The following PLD5 variants were observed in gnomAD, a reference collection of about 807,000 sequenced individuals.
PLD5 encodes inactive phospholipase D5.
In PLD5, 36 loss-of-function variants were observed where a neutral mutation model predicts 61.1. That is an observed-to-expected ratio of 0.59 (90% CI 0.45 to 0.78). The LOEUF is 0.78. Among genes scored for constraint, PLD5 ranks in the 30% least tolerant of loss-of-function variants. The pLI is 0.00. For synonymous variants in PLD5, 243 were observed against 242.8 expected, an observed-to-expected ratio of 1.00 and a Z score of -0.01; for missense variants, 515 against 644.4, an observed-to-expected ratio of 0.80 and a Z score of 2.17.
At chr1:242,163,213 G>A (rs190811691) in intron 5 of PLD5, among the ~76,000 whole-genome samples, 253 of 149,056 alleles carry the variant, frequency 1.7e-3, no homozygotes, top group African/African-American at 5.9e-3. Flanking sequence ...GCGCGATCTC[G>A]GCTCACTGCA....
chr1:242,149,754 T>C (rs990575949), intron 5 of PLD5, among the ~76,000 whole-genome samples: 1 of 151,622 alleles, frequency 6.6e-6, no homozygotes, highest in Non-Finnish European at 1.5e-5. Flanking sequence ...ATCATCAAAG[T>C]TATGGCCATA....
rs12742403 is a variant in PLD5, at chr1:242,524,418, G to C, written c.-142C>G. 95,737 of 827,842 alleles carry C rather than the reference G, an allele frequency of 0.12. 6,046 individuals are homozygous for C. The highest frequency in any genetic ancestry group is 0.12 in the Non-Finnish European group (76,376 of 619,006). The allele number at this position is 827,842 out of a possible 1,614,324, so 51.3% of individuals were successfully genotyped here. Reference sequence around the variant, plus strand: ...AGCTGGAGGAGCTGGAGGAGCGAGCGGGCGCGGGGAGCGCGGGGTGCTGAG... The same window carrying C: ...AGCTGGAGGAGCTGGAGGAGCGAGCCGGCGCGGGGAGCGCGGGGTGCTGAG... On this transcript the variant is annotated 5_prime_UTR_variant, in exon 1 of 10. Coordinates refer to ENST00000536534, the MANE Select transcript of PLD5 (RefSeq NM_001372062.1).
At chr1:242,339,225 G>T (rs553376959) in intron 2 of PLD5, among the ~76,000 whole-genome samples, 1 of 152,030 alleles carries the variant, frequency 6.6e-6, no homozygotes, top group African/African-American at 2.4e-5. Flanking sequence ...AAAGGTATCC[G>T]CTCAGCCAGG....
At chr1:242,334,169 C>T (rs1473230538) in intron 2 of PLD5, among the ~76,000 whole-genome samples, 1 of 152,100 alleles carries the variant, frequency 6.6e-6, no homozygotes, top group Non-Finnish European at 1.5e-5. Flanking sequence ...CAGAGAGAAG[C>T]CCAGTGTTAC....
intron 2 of PLD5, among the ~76,000 whole-genome samples, chr1:242,339,031 A>G (rs1395937320): frequency 6.6e-6 from 1 of 152,180 alleles, no homozygotes; most frequent in Non-Finnish European, 1.5e-5. Flanking sequence ...ACTCATTTCT[A>G]CATGATAGTC....
At chr1:242,108,673 C>T (rs555583465) in intron 7 of PLD5, among the ~76,000 whole-genome samples, 5 of 152,260 alleles carry the variant, frequency 3.3e-5, no homozygotes, top group African/African-American at 1.2e-4. Flanking sequence ...AATCACTCTC[C>T]CTCCCCTCGG....
chr1:242,113,084 C>CTTTTTTTTTTTTTTTTT (rs71570931), intron 7 of PLD5, among the ~76,000 whole-genome samples: 1 of 110,694 alleles, frequency 9.0e-6, no homozygotes, highest in African/African-American at 3.5e-5. Flanking sequence ...CTCTCTCTCT[C>CTTTTTTTTTTTTTTTTT]TTTTTTTTTT....
At chr1:242,321,745 T>A (rs1658427724) in intron 2 of PLD5, among the ~76,000 whole-genome samples, 1 of 152,172 alleles carries the variant, frequency 6.6e-6, no homozygotes. Context: ...GCTTCTACAC[T>A]CTCCTGGTGG....
chr1:242,436,059 T>C (rs531915799), intron 1 of PLD5, among the ~76,000 whole-genome samples: 1 of 152,346 alleles, frequency 6.6e-6, no homozygotes, highest in South Asian at 2.1e-4. Context: ...CAGAAAAGTA[T>C]TCTTGTGTCT....
intron 3 of PLD5, among the ~76,000 whole-genome samples, chr1:242,277,655 TG>T (rs1471210616): frequency 6.7e-6 from 1 of 149,790 alleles, no homozygotes; most frequent in East Asian, 1.9e-4. Context: ...AATGGAAAGA[TG>T]CTTACGTTGT....
intron 5 of PLD5, among the ~76,000 whole-genome samples, chr1:242,207,848 A>ATC (rs1229174843): frequency 3.5e-5 from 2 of 57,606 alleles, no homozygotes; most frequent in Non-Finnish European, 5.8e-5. Flanking sequence ...ATATTTATAT[A>ATC]TATTTATATA....
intron 5 of PLD5, among the ~76,000 whole-genome samples, chr1:242,207,866 ATT>A (rs1558344234): frequency 1.1e-4 from 2 of 18,202 alleles, no homozygotes; most frequent in African/African-American, 5.6e-4. Context: ...ATATTTATAT[ATT>A]TATATATATT....
At chr1:242,386,415 C>T (rs564971537) in intron 1 of PLD5, among the ~76,000 whole-genome samples, 88 of 152,286 alleles carry the variant, frequency 5.8e-4, no homozygotes, top group Admixed American at 2.0e-3. Context: ...GACAACCTGA[C>T]GTCATGTACC....
At chr1:242,510,158 A>C (rs1668857973) in intron 1 of PLD5, among the ~76,000 whole-genome samples, 1 of 152,166 alleles carries the variant, frequency 6.6e-6, no homozygotes, top group South Asian at 2.1e-4. Flanking sequence ...GTCTTGGCTC[A>C]TGATGGCTGA....
At chr1:242,171,879 C>G (rs904027208) in intron 5 of PLD5, among the ~76,000 whole-genome samples, 4 of 152,112 alleles carry the variant, frequency 2.6e-5, no homozygotes, top group Non-Finnish European at 5.9e-5. Flanking sequence ...AATACAGGAG[C>G]ACCTAGATTC....
intron 3 of PLD5, among the ~76,000 whole-genome samples, chr1:242,272,412 T>C (rs1674144078): frequency 6.6e-6 from 1 of 152,160 alleles, no homozygotes; most frequent in Non-Finnish European, 1.5e-5. Flanking sequence ...TATACTTTTA[T>C]ATACTTCTCA....
chr1:242,343,101 G>T (rs1236153410), intron 2 of PLD5, among the ~76,000 whole-genome samples: 1 of 152,036 alleles, frequency 6.6e-6, no homozygotes, highest in African/African-American at 2.4e-5. Flanking sequence ...ATGAATTAAA[G>T]TACTATATTT....
chr1:242,247,080 T>A, intron 4 of PLD5, among the ~76,000 whole-genome samples: 1 of 150,842 alleles, frequency 6.6e-6, no homozygotes, highest in South Asian at 2.1e-4. Context: ...GCCTCCCGGG[T>A]TCACGCCATT....
rs183242540 is a variant in PLD5, at chr1:242,208,444, A to C, written c.735+11544T>G. Reference sequence around the variant, plus strand: ...AGAAACCCATTTAAATTAAACCCATAGGGTCTCTGTCTTAGGCAGTGCAGC... The same window carrying C: ...AGAAACCCATTTAAATTAAACCCATCGGGTCTCTGTCTTAGGCAGTGCAGC... On this transcript the variant is annotated intron_variant, in intron 5 of 9. Transcript: ENST00000536534. Among the ~76,000 whole-genome samples the C allele has an allele frequency of 2.1e-3, 315 of 152,288 alleles. 2 individuals carry two copies. Among genetic ancestry groups the C allele is most frequent in the African/African-American group, 7.3e-3 (305 of 41,556 alleles).
Sources: allele counts gnomAD v4.1 joint callset (sites outside exome capture counted in the v4.1 genomes callset), GRCh38; gene constraint gnomAD v4.1.1; transcripts MANE v1.5; gene names NCBI Gene and HGNC (gene_info 2026-07-23, HGNC 2026-07-21).